The following AGPAT4 variants were observed in gnomAD, a reference collection of about 807,000 sequenced individuals.
AGPAT4 encodes the protein 1-acylglycerol-3-phosphate O-acyltransferase 4.
Under a neutral mutation model 48.0 loss-of-function variants are expected in AGPAT4, and 15 were observed. That is an observed-to-expected ratio of 0.31 (90% CI 0.21 to 0.48). The LOEUF is 0.48. AGPAT4 is among the 20% of genes least tolerant of loss of function. The pLI, the probability that AGPAT4 is intolerant of heterozygous loss-of-function variation, is 0.99. For missense variants in AGPAT4, 314 were observed against 482.5 expected (o/e 0.65, Z 3.27); for synonymous variants, 178 against 198.7 (o/e 0.90, Z 0.88).
In AGPAT4 at chr6:161,267,761, T is replaced by A. The variant is rs557925690; in HGVS notation, c.-90+6177A>T. The stretch of plus-strand genomic sequence containing the variant: ...AAAGAAAAATATTAGCTGGGCATGT[T>A]AGTACACACCTGTAGTCCCAGCTAC... On this transcript the variant is annotated intron_variant, in intron 1 of 8. Coordinates refer to ENST00000320285, the MANE Select transcript of AGPAT4 (RefSeq NM_020133.3). The surrounding 1 kb of genome is among the most constrained non-coding windows in gnomAD (Gnocchi z 5.2). Among the ~76,000 whole-genome samples, 11 of 150,974 alleles carry A rather than the reference T, an allele frequency of 7.3e-5. No homozygotes were observed. The highest frequency in any genetic ancestry group is 2.4e-4 in the African/African-American group (10 of 41,214).
At chr6:161,191,509 C>T (rs865829578) in intron 2 of AGPAT4, among the ~76,000 whole-genome samples, 1 of 152,154 alleles carries the variant, frequency 6.6e-6, no homozygotes, top group Non-Finnish European at 1.5e-5. Context: ...CAAGGGGAAC[C>T]AAGTATCTTA....
In AGPAT4 at chr6:161,215,333, A is replaced by G. The variant is rs772362574; in HGVS notation, c.178+16703T>C. On this transcript the variant is annotated intron_variant, in intron 2 of 8. Transcript: ENST00000320285. This position sits in a 1 kb window ranked among gnomAD's most constrained non-coding sequence, Gnocchi z 4.5. ...AAAATGTTTACACATCCCAGCGGAC[A>G]TATTTGTGCTGAATCTCAAGGTTTT... Among the ~76,000 whole-genome samples, 6 of 152,338 alleles carry G rather than the reference A, an allele frequency of 3.9e-5. No homozygotes were observed. Among genetic ancestry groups the G allele is most frequent in the Middle Eastern group, 3.4e-3 (1 of 294 alleles).
At chr6:161,172,508 C>T (rs544573563) in intron 2 of AGPAT4, among the ~76,000 whole-genome samples, 7 of 152,210 alleles carry the variant, frequency 4.6e-5, no homozygotes, top group East Asian at 1.9e-4. Flanking sequence ...CTAGCCAGGA[C>T]GGCCACCTGG....
At position 161,244,971 on chromosome 6, in the gene AGPAT4, C is replaced by T. The variant is rs78337363; in HGVS notation, c.-89-12669G>A. 6.1e-4 allele frequency among the ~76,000 whole-genome samples: 93 copies of T among 152,318 alleles called. 1 individual carries two copies. In the East Asian group the frequency reaches 0.01, roughly 17 times the overall value. On this transcript the variant is annotated intron_variant, in intron 1 of 8. Coordinates refer to ENST00000320285, the MANE Select transcript of AGPAT4 (RefSeq NM_020133.3). The surrounding 1 kb of genome is among the most constrained non-coding windows in gnomAD (Gnocchi z 4.7). The stretch of plus-strand genomic sequence containing the variant: ...TGATAGCAACCAGAGCCAAAGGCCA[C>T]GTAGCAAAACACGTGGGCATGAGAA...
In AGPAT4 at chr6:161,264,393, A is replaced by C; in HGVS notation, c.-90+9545T>G. 6.6e-6 allele frequency among the ~76,000 whole-genome samples: 1 copy of C among 151,610 alleles called. No homozygotes were observed. The highest frequency in any genetic ancestry group is 1.5e-5 in the Non-Finnish European group (1 of 67,926). On this transcript the variant is annotated intron_variant, in intron 1 of 8. Transcript: ENST00000320285. This position sits in a 1 kb window ranked among gnomAD's most constrained non-coding sequence, Gnocchi z 6.8. ...CCAGCCTCCTGCCCTGTCCCACCTCACCCACTGGCCCACTCCTCTGGTCTC... is the reference window on the plus strand; with the variant it reads ...CCAGCCTCCTGCCCTGTCCCACCTCCCCCACTGGCCCACTCCTCTGGTCTC...
Position 161,202,790 on chromosome 6 carries a change from C to G in AGPAT4, c.178+29246G>C, listed in dbSNP as rs148137653. On this transcript the variant is annotated intron_variant, in intron 2 of 8. Coordinates refer to ENST00000320285, the MANE Select transcript of AGPAT4 (RefSeq NM_020133.3). This position sits in a 1 kb window ranked among gnomAD's most constrained non-coding sequence, Gnocchi z 5.4. ...CTCAAGGCCAGGTCATAACCTTATGCCCCGTGAATGGGGACACTGACTTTT... is the reference window on the plus strand; with the variant it reads ...CTCAAGGCCAGGTCATAACCTTATGGCCCGTGAATGGGGACACTGACTTTT... 3.4e-3 allele frequency among the ~76,000 whole-genome samples: 518 copies of G among 152,270 alleles called. 2 individuals are homozygous for G. The highest frequency in any genetic ancestry group is 0.012 in the African/African-American group (500 of 41,554).
intron 3 of AGPAT4, among the ~76,000 whole-genome samples, chr6:161,157,471 C>G (rs1365992658): frequency 6.6e-6 from 1 of 152,168 alleles, no homozygotes; most frequent in African/African-American, 2.4e-5. Context: ...CATCACCATG[C>G]CTGGCTAATT....
At chr6:161,228,066 C>T (rs1035465614) in intron 2 of AGPAT4, among the ~76,000 whole-genome samples, 7 of 152,152 alleles carry the variant, frequency 4.6e-5, no homozygotes, top group Non-Finnish European at 8.8e-5. Flanking sequence ...TCGCCACCAC[C>T]GGTCCCCCTG....
Position 161,198,044 on chromosome 6 carries a change from C to T in AGPAT4, c.179-31627G>A, listed in dbSNP as rs1480502634. ...CTTCTTCAGTCTCTCATACTTCATT[C>T]TTCCCACTCTTCTTTTGTTTAATAT... On this transcript the variant is annotated intron_variant, in intron 2 of 8. Transcript: ENST00000320285. The surrounding 1 kb of genome is among the most constrained non-coding windows in gnomAD (Gnocchi z 4.3). Among the ~76,000 whole-genome samples, 1 of 152,190 alleles carries T rather than the reference C, an allele frequency of 6.6e-6. No individual in the cohort carries two copies. Among genetic ancestry groups the T allele is most frequent in the Non-Finnish European group, 1.5e-5 (1 of 68,044 alleles).
Position 161,233,979 on chromosome 6 carries a change from C to T in AGPAT4, c.-89-1677G>A, listed in dbSNP as rs9456644. 0.2 allele frequency among the ~76,000 whole-genome samples: 30,346 copies of T among 152,168 alleles called. 3,269 individuals are homozygous for T. The highest frequency in any genetic ancestry group is 0.24 in the Non-Finnish European group (16,304 of 67,982). ...GCAACTTGCCTAAGCTTGCCACAAT[C>T]GGTAACTGATCTTGGGGCTCAGTTT... On this transcript the variant is annotated intron_variant, in intron 1 of 8. Coordinates refer to ENST00000320285, the MANE Select transcript of AGPAT4 (RefSeq NM_020133.3). The surrounding 1 kb of genome is among the most constrained non-coding windows in gnomAD (Gnocchi z 5.4).
At position 161,222,965 on chromosome 6, in the gene AGPAT4, C is replaced by A. The variant is rs1415546662; in HGVS notation, c.178+9071G>T. ...TGCCACCTACTGAACCACCTCTCCT[C>A]TTGCCAACATCTCACAATTCCCCTC... On this transcript the variant is annotated intron_variant, in intron 2 of 8. Transcript: ENST00000320285. This position sits in a 1 kb window ranked among gnomAD's most constrained non-coding sequence, Gnocchi z 5.9. Among the ~76,000 whole-genome samples, 1 of 152,226 alleles carries A rather than the reference C, an allele frequency of 6.6e-6. No individual in the cohort carries two copies. Among genetic ancestry groups the A allele is most frequent in the Non-Finnish European group, 1.5e-5 (1 of 68,040 alleles).
rs1042252971 is a variant in AGPAT4 at position 161,254,365 on chromosome 6, C to T, written c.-90+19573G>A. On this transcript the variant is annotated intron_variant, in intron 1 of 8. Transcript: ENST00000320285. The surrounding 1 kb of genome is among the most constrained non-coding windows in gnomAD (Gnocchi z 5.9). ...CCCTACCTTCTCTGATCCTCAGCTT[C>T]TTCCTGTCATTCACATCAGCCTAAC... Among the ~76,000 whole-genome samples the T allele has an allele frequency of 6.6e-6, 1 of 152,212 alleles. No individual in the cohort carries two copies. The highest frequency in any genetic ancestry group is 1.5e-5 in the Non-Finnish European group (1 of 68,040).
rs113908676 is a variant in AGPAT4 at position 161,142,300 on chromosome 6, C to G, written c.844-2680G>C. On this transcript the variant is annotated intron_variant, in intron 7 of 8. Coordinates refer to ENST00000320285, the MANE Select transcript of AGPAT4 (RefSeq NM_020133.3). This position sits in a 1 kb window ranked among gnomAD's most constrained non-coding sequence, Gnocchi z 6.4. ...CCGCCAGCTCTGGCCAGACTCCAGG[C>G]TCTGGCAGCAGAATGTCCGTGGCCC... is the stretch of plus-strand genomic sequence containing the variant. 3.2e-3 allele frequency among the ~76,000 whole-genome samples: 492 copies of G among 152,356 alleles called. 2 individuals are homozygous for G. Among genetic ancestry groups the G allele is most frequent in the Admixed American group, 5.1e-3 (78 of 15,306 alleles).
At position 161,232,703 on chromosome 6, in the gene AGPAT4, G is replaced by A. The variant is rs900716546; in HGVS notation, c.-89-401C>T. Among the ~76,000 whole-genome samples, 2 of 152,062 alleles carry A rather than the reference G, an allele frequency of 1.3e-5. No homozygotes were observed. Among genetic ancestry groups the A allele is most frequent in the Non-Finnish European group, 2.9e-5 (2 of 68,008 alleles). On this transcript the variant is annotated intron_variant, in intron 1 of 8. Coordinates refer to ENST00000320285, the MANE Select transcript of AGPAT4 (RefSeq NM_020133.3). This position sits in a 1 kb window ranked among gnomAD's most constrained non-coding sequence, Gnocchi z 6.8. ...TCCGGCCTCCCCTCCTGCTGCCATC[G>A]CGGCCTGAGCCCCATTCTCTCACCC...
rs924620846 is a variant in AGPAT4 at position 161,139,282 on chromosome 6, T to C, written c.1042+140A>G. 2.0e-6 allele frequency: 2 copies of C among 997,440 alleles called. No homozygotes were observed. Among genetic ancestry groups the C allele is most frequent in the Non-Finnish European group, 1.5e-6 (1 of 671,462 alleles). The allele number at this position is 997,440 out of a possible 1,614,324, so 61.8% of individuals were successfully genotyped here. A position where few individuals can be genotyped will look rare whatever the true frequency, so the allele number is the denominator to read the frequency against. ...GCCTCGCACTCATCCTGAAGTCTAA[T>C]CTTTCCCTGTGATTGCAAGCTGAGC... On this transcript the variant is annotated intron_variant, in intron 8 of 8. Transcript: ENST00000320285. The surrounding 1 kb of genome is among the most constrained non-coding windows in gnomAD (Gnocchi z 9.1).
intron 1 of AGPAT4, among the ~76,000 whole-genome samples, chr6:161,252,060 T>C (rs1782818263): frequency 6.6e-6 from 1 of 152,192 alleles, no homozygotes; most frequent in African/African-American, 2.4e-5. Context: ...AATGGAACAC[T>C]AAGTTCCATA....
At position 161,144,824 on chromosome 6, in the gene AGPAT4, C is replaced by G. The variant is rs1369488931; in HGVS notation, c.843+1700G>C. Among the ~76,000 whole-genome samples the G allele has an allele frequency of 6.6e-6, 1 of 151,854 alleles. No homozygotes were observed. On this transcript the variant is annotated intron_variant, in intron 7 of 8. Coordinates refer to ENST00000320285, the MANE Select transcript of AGPAT4 (RefSeq NM_020133.3). The surrounding 1 kb of genome is among the most constrained non-coding windows in gnomAD (Gnocchi z 6.6). ...TGAAACCCCGTCTCTACTAAACATA[C>G]AAAAAAATTAGCCGGGCATGGTGGC...
At position 161,158,315 on chromosome 6, in the gene AGPAT4, C is replaced by T. The variant is rs1258693663; in HGVS notation, c.349-4005G>A. The stretch of plus-strand genomic sequence containing the variant: ...CAGAGGCTTCCATGTGTGATGCCAA[C>T]AGCTTTCAGAGAGAATGTACAAGAA... On this transcript the variant is annotated intron_variant, in intron 3 of 8. Transcript: ENST00000320285. The surrounding 1 kb of genome is among the most constrained non-coding windows in gnomAD (Gnocchi z 5.3). 3.3e-5 allele frequency among the ~76,000 whole-genome samples: 5 copies of T among 152,346 alleles called. No homozygotes were observed. Among genetic ancestry groups the T allele is most frequent in the Middle Eastern group, 6.8e-3 (2 of 294 alleles).
Position 161,140,167 on chromosome 6 carries a change from T to C in AGPAT4, c.844-547A>G, listed in dbSNP as rs1025845441. On this transcript the variant is annotated intron_variant, in intron 7 of 8. Coordinates refer to ENST00000320285, the MANE Select transcript of AGPAT4 (RefSeq NM_020133.3). This position sits in a 1 kb window ranked among gnomAD's most constrained non-coding sequence, Gnocchi z 6.5. ...AGCCCACCCGCACCTACCACCCTGT[T>C]TGCCACTGGAGGGCTCTGAGGGCCG... Among the ~76,000 whole-genome samples, 1 of 152,154 alleles carries C rather than the reference T, an allele frequency of 6.6e-6. No individual in the cohort carries two copies. Among genetic ancestry groups the C allele is most frequent in the Non-Finnish European group, 1.5e-5 (1 of 68,004 alleles).
Sources: gnomAD v4.1 joint callset for allele counts (sites outside exome capture counted in the v4.1 genomes callset) on GRCh38, gnomAD v4.1.1 for gene constraint, Gnocchi (gnomAD v3.1) non-coding constraint, MANE v1.5 for transcripts, NCBI Gene and HGNC (gene_info 2026-07-23, HGNC 2026-07-21) for gene names.